The following CLIC5 variants were observed in gnomAD, a reference collection of about 807,000 sequenced individuals.
The protein encoded by CLIC5 is CLIC family member 5.
CLIC5 carries 20 observed loss-of-function variants against 24.7 expected under a neutral mutation model. That is an observed-to-expected ratio of 0.81 (90% confidence interval 0.57 to 1.18). The LOEUF (loss-of-function observed/expected upper bound fraction) is 1.18, where lower values mean the gene tolerates loss of function less well. Among genes scored for constraint, CLIC5 ranks in the 50% most tolerant of loss-of-function variants. The pLI is 0.00. For missense variants in CLIC5, 341 were observed against 326.1 expected, an observed-to-expected ratio of 1.05 and a Z score of -0.35; for synonymous variants, 159 against 135.6, an observed-to-expected ratio of 1.17 and a Z score of -1.20.
chr6:45,952,437 G>T (rs991984751), intron 2 of CLIC5, among the ~76,000 whole-genome samples: 12 of 152,126 alleles, frequency 7.9e-5, no homozygotes, highest in Admixed American at 7.9e-4. Flanking sequence ...CTATGAGTCA[G>T]GTACAGGACC....
intron 5 of CLIC5, chr6:45,913,693 A>G (rs1762903870): frequency 1.2e-6 from 1 of 852,658 alleles, no homozygotes; most frequent in Non-Finnish European, 1.6e-6. Context: ...ATGGTTAGTA[A>G]GTGCAATGAT....
the CLIC5 span, among the ~76,000 whole-genome samples, chr6:46,090,072 C>G: frequency 6.6e-6 from 1 of 152,044 alleles, no homozygotes; most frequent in Non-Finnish European, 1.5e-5. Flanking sequence ...GCTTCCATTA[C>G]TTAAAAACGA....
chr6:46,072,835 T>G (rs988198236), intron 1 of CLIC5, among the ~76,000 whole-genome samples: 3 of 152,206 alleles, frequency 2.0e-5, no homozygotes, highest in Non-Finnish European at 4.4e-5. Context: ...ATCACAGTGA[T>G]AGTTAACATT....
At chr6:45,999,161 G>A (rs1362894298) in intron 1 of CLIC5, among the ~76,000 whole-genome samples, 1 of 152,132 alleles carries the variant, frequency 6.6e-6, no homozygotes, top group Non-Finnish European at 1.5e-5. Flanking sequence ...GAGCTGAAAG[G>A]GACCTCGGGT....
chr6:45,947,767 A>C (rs1890369), intron 3 of CLIC5, among the ~76,000 whole-genome samples: 135,146 of 152,176 alleles, frequency 0.89, 60,552 homozygotes, highest in Non-Finnish European at 0.93. Context: ...CCTCAGGGCA[A>C]TTCCAGTGAA....
At chr6:46,086,611 A>G in the CLIC5 span, among the ~76,000 whole-genome samples, 1 of 152,222 alleles carries the variant, frequency 6.6e-6, no homozygotes, top group African/African-American at 2.4e-5. Context: ...TTTTATGCTC[A>G]TAGGATGATA....
At chr6:46,047,798 T>A (rs562166626) in intron 1 of CLIC5, among the ~76,000 whole-genome samples, 1 of 151,966 alleles carries the variant, frequency 6.6e-6, no homozygotes, top group African/African-American at 2.4e-5. Flanking sequence ...TATTACAAAA[T>A]CATTGGCAAA....
chr6:45,958,450 A>ATATC (rs1764735893), intron 1 of CLIC5, among the ~76,000 whole-genome samples: 1 of 129,196 alleles, frequency 7.7e-6, no homozygotes, highest in Non-Finnish European at 1.6e-5. Context: ...ATATATATAT[A>ATATC]TATATATATA....
At chr6:46,128,833 A>G in the CLIC5 span, among the ~76,000 whole-genome samples, 3 of 152,186 alleles carry the variant, frequency 2.0e-5, no homozygotes, top group Non-Finnish European at 4.4e-5. Flanking sequence ...GCACAGGCCA[A>G]CCTGAGACTT....
chr6:45,892,714 C>T (rs1762363881), intron 6 of CLIC5, among the ~76,000 whole-genome samples: 1 of 152,174 alleles, frequency 6.6e-6, no homozygotes. Flanking sequence ...TGAACAATGT[C>T]TTTCAAAATA....
intron 1 of CLIC5, among the ~76,000 whole-genome samples, chr6:46,029,173 A>G (rs1392679363): frequency 6.6e-6 from 1 of 152,228 alleles, no homozygotes; most frequent in Admixed American, 6.5e-5. Flanking sequence ...CAATGAGCAC[A>G]GTGCCTTACA....
chr6:45,914,843 C>T (rs1581727815), intron 4 of CLIC5, among the ~76,000 whole-genome samples: 1 of 148,544 alleles, frequency 6.7e-6, no homozygotes, highest in Admixed American at 6.8e-5. Flanking sequence ...CCCAGCTACT[C>T]GGGAGGCTGA....
At chr6:45,979,641 T>C (rs1254098500) in intron 1 of CLIC5, among the ~76,000 whole-genome samples, 1 of 146,316 alleles carries the variant, frequency 6.8e-6, no homozygotes, top group African/African-American at 2.4e-5. Context: ...GCCTCAGTTT[T>C]TACAGTTACT....
At chr6:46,050,361 C>T (rs879608569) in intron 1 of CLIC5, among the ~76,000 whole-genome samples, 1 of 152,090 alleles carries the variant, frequency 6.6e-6, no homozygotes, top group African/African-American at 2.4e-5. Context: ...AAAGGGGAGG[C>T]TTTTATAAGG....
chr6:46,101,579 G>A, the CLIC5 span, among the ~76,000 whole-genome samples: 1 of 150,814 alleles, frequency 6.6e-6, no homozygotes, highest in Admixed American at 6.6e-5. Flanking sequence ...GGTTAAAACA[G>A]AGGGGATTTC....
chr6:45,941,758 C>A, intron 3 of CLIC5, 105 bp from the exon 4 acceptor site: 1 of 892,452 alleles, frequency 1.1e-6, no homozygotes, highest in Non-Finnish European at 1.9e-6. Context: ...CCAGCTGCAT[C>A]TACAAAATGT....
chr6:45,913,276 T>C (rs906860290), intron 5 of CLIC5, among the ~76,000 whole-genome samples: 1 of 152,190 alleles, frequency 6.6e-6, no homozygotes, highest in South Asian at 2.1e-4. Context: ...ACAGTATGGC[T>C]ATCTGATACT....
chr6:45,917,241 A>G (rs543775879), intron 4 of CLIC5, among the ~76,000 whole-genome samples: 1 of 152,124 alleles, frequency 6.6e-6, no homozygotes, highest in Non-Finnish European at 1.5e-5. Context: ...GGGACTAAGG[A>G]TCCTTCACCC....
chr6:46,093,285 A>T, the CLIC5 span, among the ~76,000 whole-genome samples: 1 of 152,118 alleles, frequency 6.6e-6, no homozygotes, highest in African/African-American at 2.4e-5. Context: ...CAATAACCAC[A>T]TCTTATTTAC....
Sources: gnomAD v4.1 joint callset for allele counts (sites outside exome capture counted in the v4.1 genomes callset) on GRCh38, gnomAD v4.1.1 for gene constraint, MANE v1.5 for transcripts, NCBI Gene and HGNC (gene_info 2026-07-23, HGNC 2026-07-21) for gene names.